EFEMP1: variants seen among roughly 807,000 people sequenced by gnomAD.
The protein encoded by EFEMP1 is EGF-containing fibulin-like extracellular matrix protein 1.
EFEMP1 carries 18 observed loss-of-function variants against 65.7 expected under a neutral mutation model. The ratio of observed to expected loss-of-function variants is 0.27; its 90% confidence interval spans 0.19 to 0.41. EFEMP1 has a LOEUF of 0.41. Ranked by LOEUF, EFEMP1 falls within the 10% of genes least tolerant of loss-of-function variation. The probability of loss-of-function intolerance (pLI) is 1.00; values close to 1 mark genes in which losing one functional copy is unlikely to be tolerated. For synonymous variants in EFEMP1, 237 were observed against 219.7 expected, an observed-to-expected ratio of 1.08 and a Z score of -0.70; for missense variants, 469 against 624.8, an observed-to-expected ratio of 0.75 and a Z score of 2.66.
At position 55,901,550 on chromosome 2, in the gene EFEMP1, C is replaced by T. The variant is rs144027551; in HGVS notation, c.517+16115G>A. Reference sequence around the variant, plus strand: ...CCACACCCATTAGGCTGCCTATCTGCATGAGTCATACAGCCTCTTGCACTG... The same window carrying T: ...CCACACCCATTAGGCTGCCTATCTGTATGAGTCATACAGCCTCTTGCACTG... On this transcript the variant is annotated intron_variant, in intron 5 of 11. Transcript: ENST00000355426. 1.1e-3 allele frequency among the ~76,000 whole-genome samples: 168 copies of T among 152,310 alleles called. 1 individual carries two copies. Among genetic ancestry groups the T allele is most frequent in the African/African-American group, 3.8e-3 (158 of 41,576 alleles).
In EFEMP1 at chr2:55,882,106, G is replaced by C. The variant is rs370707004; in HGVS notation, c.518-372C>G. Reference sequence around the variant, plus strand: ...ATGTTTTTGTACTTTTGTTAGACAGGGATGCATCCATTAGAACATATGGTA... The same window carrying C: ...ATGTTTTTGTACTTTTGTTAGACAGCGATGCATCCATTAGAACATATGGTA... On this transcript the variant is annotated intron_variant, in intron 5 of 11. Transcript: ENST00000355426. Among the ~76,000 whole-genome samples the C allele has an allele frequency of 4.6e-5, 7 of 151,812 alleles. 1 individual carries two copies. The highest frequency in any genetic ancestry group is 1.7e-4 in the African/African-American group (7 of 41,430).
At chr2:55,911,282 T>C (rs1670474436) in intron 5 of EFEMP1, among the ~76,000 whole-genome samples, 1 of 152,104 alleles carries the variant, frequency 6.6e-6, no homozygotes, top group South Asian at 2.1e-4. Flanking sequence ...ATAGAAATAC[T>C]AACTTACCCT....
At chr2:55,905,368 T>C (rs995814400) in intron 5 of EFEMP1, among the ~76,000 whole-genome samples, 2 of 152,208 alleles carry the variant, frequency 1.3e-5, no homozygotes, top group Non-Finnish European at 2.9e-5. Flanking sequence ...GAAAATTTCA[T>C]AGTAAGTTCA....
Position 55,871,233 on chromosome 2 carries a change from G to C in EFEMP1, c.1001-110C>G. ...CAAGGAAGGAGGTGTGAGAGCATCTGGACTGTGTTCAACCTGCTTTTAGAC... is the reference window on the plus strand; with the variant it reads ...CAAGGAAGGAGGTGTGAGAGCATCTCGACTGTGTTCAACCTGCTTTTAGAC... On this transcript the variant is annotated intron_variant, in intron 9 of 11. Coordinates refer to ENST00000355426, the MANE Select transcript of EFEMP1 (RefSeq NM_001039348.3). This position sits in a 1 kb window ranked among gnomAD's most constrained non-coding sequence, Gnocchi z 4.2. 1 of 1,499,952 alleles carries C rather than the reference G, an allele frequency of 6.7e-7. No individual in the cohort carries two copies. Among genetic ancestry groups the C allele is most frequent in the Non-Finnish European group, 9.2e-7 (1 of 1,092,574 alleles). The allele number at this position is 1,499,952 out of a possible 1,614,324, so 92.9% of individuals were successfully genotyped here. A position where few individuals can be genotyped will look rare whatever the true frequency, so the allele number is the denominator to read the frequency against.
intron 5 of EFEMP1, among the ~76,000 whole-genome samples, chr2:55,916,424 T>G (rs1670690712): frequency 6.6e-6 from 1 of 152,202 alleles, no homozygotes; most frequent in African/African-American, 2.4e-5. Flanking sequence ...GCTTCATTTT[T>G]AAGCCATTTA....
Position 55,922,960 on chromosome 2 carries a change from C to A in EFEMP1, c.-48-21G>T, listed in dbSNP as rs1670957861. ...AATACCTGTGAGCCAATATGAATTGCCTTGGCCTCAAGCTTTTTATTTTTT... is the reference window on the plus strand; with the variant it reads ...AATACCTGTGAGCCAATATGAATTGACTTGGCCTCAAGCTTTTTATTTTTT... On this transcript the variant is annotated intron_variant, in intron 1 of 11. Transcript: ENST00000355426. The surrounding 1 kb of genome is among the most constrained non-coding windows in gnomAD (Gnocchi z 5.5). 1 of 1,010,264 alleles carries A rather than the reference C, an allele frequency of 9.9e-7. No homozygotes were observed. The highest frequency in any genetic ancestry group is 1.2e-6 in the Non-Finnish European group (1 of 843,896). The allele number at this position is 1,010,264 out of a possible 1,614,324, so 62.6% of individuals were successfully genotyped here. A position where few individuals can be genotyped will look rare whatever the true frequency, so the allele number is the denominator to read the frequency against.
At chr2:55,908,496 G>C (rs1239616613) in intron 5 of EFEMP1, among the ~76,000 whole-genome samples, 1 of 152,080 alleles carries the variant, frequency 6.6e-6, no homozygotes, top group East Asian at 1.9e-4. Context: ...AGTTAAACAG[G>C]AAGATTTTGA....
At chr2:55,892,452 T>C (rs921981419) in intron 5 of EFEMP1, among the ~76,000 whole-genome samples, 12 of 152,130 alleles carry the variant, frequency 7.9e-5, no homozygotes, top group African/African-American at 2.9e-4. Flanking sequence ...TTGCGTCCTT[T>C]TTCAATTTTC....
In EFEMP1 at chr2:55,919,355, C is replaced by T. The variant is rs1408920907; in HGVS notation, c.82-1088G>A. ...CAGGGTTCTTGTTAAAATGAAGATT[C>T]CTGGGCCCACCCAAAGGATTTGATT... On this transcript the variant is annotated intron_variant, in intron 3 of 11. Transcript: ENST00000355426. The surrounding 1 kb of genome is among the most constrained non-coding windows in gnomAD (Gnocchi z 4.5). Among the ~76,000 whole-genome samples the T allele has an allele frequency of 6.6e-6, 1 of 152,112 alleles. No homozygotes were observed. The highest frequency in any genetic ancestry group is 1.5e-5 in the Non-Finnish European group (1 of 68,034).
intron 5 of EFEMP1, among the ~76,000 whole-genome samples, chr2:55,889,824 TAA>T (rs3048101): frequency 0.032 from 4,511 of 142,394 alleles, 201 homozygotes; most frequent in African/African-American, 0.099. Context: ...AAAGGAATGG[TAA>T]AAAAAAAAAA....
intron 5 of EFEMP1, among the ~76,000 whole-genome samples, chr2:55,912,517 G>A (rs918823437): frequency 2.6e-5 from 4 of 152,164 alleles, no homozygotes; most frequent in African/African-American, 9.7e-5. Context: ...CTTTGCAAAG[G>A]TAGATGTACA....
intron 5 of EFEMP1, among the ~76,000 whole-genome samples, chr2:55,904,821 T>A (rs1670180702): frequency 6.6e-6 from 1 of 152,192 alleles, no homozygotes. Flanking sequence ...CATAATCACA[T>A]GAGAAATTCT....
In EFEMP1 at chr2:55,917,853, C is replaced by T; in HGVS notation, c.329G>A (p.Ser110Asn). 1.9e-6 allele frequency: 3 copies of T among 1,614,266 alleles called. No individual in the cohort carries two copies. The highest frequency in any genetic ancestry group is 2.2e-5 in the South Asian group (2 of 91,090). Residue 110 changes from serine (S) to asparagine (N), a missense_variant, in exon 5 of 12, where the codon AGT becomes AAT. This residue lies in a region of EFEMP1 where 399 missense variants were observed against 528.2 expected (regional missense o/e 0.76). Coordinates refer to ENST00000355426, the MANE Select transcript of EFEMP1 (RefSeq NM_001039348.3). This position sits in a 1 kb window ranked among gnomAD's most constrained non-coding sequence, Gnocchi z 6.3. ...AAAACCACCCCCGGGCAACACTCCA[C>T]TGGTTGCCATGCTGCTGGCAGCTAC... ...GVVAASSMATSGVLPGGGFVA... is the reference protein window; with the variant it reads ...GVVAASSMATNGVLPGGGFVA...
At chr2:55,896,906 CTT>C (rs887653001) in intron 5 of EFEMP1, among the ~76,000 whole-genome samples, 1 of 152,168 alleles carries the variant, frequency 6.6e-6, no homozygotes, top group Non-Finnish European at 1.5e-5. Flanking sequence ...TGATTTGACT[CTT>C]GTCTATCTTC....
chr2:55,888,094 A>G (rs912993541), intron 5 of EFEMP1, among the ~76,000 whole-genome samples: 2 of 152,200 alleles, frequency 1.3e-5, no homozygotes, highest in African/African-American at 4.8e-5. Flanking sequence ...CATCTGTACT[A>G]CACATAAACC....
intron 5 of EFEMP1, among the ~76,000 whole-genome samples, chr2:55,898,933 T>G (rs922170983): frequency 1.3e-5 from 2 of 152,116 alleles, no homozygotes; most frequent in Non-Finnish European, 2.9e-5. Context: ...TGCATTACTT[T>G]CAAGTACTGT....
chr2:55,870,620 T>C lies in EFEMP1; in HGVS notation c.1320+100A>G, dbSNP rs1668767602. 6.8e-7 allele frequency: 1 copy of C among 1,463,176 alleles called. No individual in the cohort carries two copies. Among genetic ancestry groups the C allele is most frequent in the Non-Finnish European group, 9.5e-7 (1 of 1,052,960 alleles). The allele number at this position is 1,463,176 out of a possible 1,614,324, so 90.6% of individuals were successfully genotyped here. A position where few individuals can be genotyped will look rare whatever the true frequency, so the allele number is the denominator to read the frequency against. ...CACATAAGACACTTTAAATGTTTGC[T>C]TTCCTTCCACATGTGGATACCACAC... On this transcript the variant is annotated intron_variant, in intron 11 of 11. Transcript: ENST00000355426. This position sits in a 1 kb window ranked among gnomAD's most constrained non-coding sequence, Gnocchi z 5.8.
In EFEMP1 at chr2:55,908,429, G is replaced by A. The variant is rs1242204217; in HGVS notation, c.517+9236C>T. On this transcript the variant is annotated intron_variant, in intron 5 of 11. Transcript: ENST00000355426. ...AGAGGGAAAAATGTGGTTACCAGAGGCTGAGGGTGAGAATGGGGGGAGATG... is the reference window on the plus strand; with the variant it reads ...AGAGGGAAAAATGTGGTTACCAGAGACTGAGGGTGAGAATGGGGGGAGATG... 2.6e-5 allele frequency among the ~76,000 whole-genome samples: 4 copies of A among 152,152 alleles called. No individual in the cohort carries two copies. The East Asian group carries it at 7.7e-4, about 29-fold the overall frequency.
At position 55,883,393 on chromosome 2, in the gene EFEMP1, C is replaced by T. The variant is rs2104395143; in HGVS notation, c.518-1659G>A. 6.6e-6 allele frequency among the ~76,000 whole-genome samples: 1 copy of T among 152,268 alleles called. No homozygotes were observed. The highest frequency in any genetic ancestry group is 2.1e-4 in the South Asian group (1 of 4,824). On this transcript the variant is annotated intron_variant, in intron 5 of 11. Coordinates refer to ENST00000355426, the MANE Select transcript of EFEMP1 (RefSeq NM_001039348.3). The surrounding 1 kb of genome is among the most constrained non-coding windows in gnomAD (Gnocchi z 4.5). ...TTTTTTGTGTCTTTTATTATTTTCT[C>T]AGATGCACTTGATGAAAACCTTTTT...
Sources: gnomAD v4.1 joint callset for allele counts (sites outside exome capture counted in the v4.1 genomes callset) on GRCh38, gnomAD v4.1.1 for gene constraint, gnomAD v4.1.1 regional missense constraint, Gnocchi (gnomAD v3.1) non-coding constraint, MANE v1.5 for transcripts, NCBI Gene and HGNC (gene_info 2026-07-23, HGNC 2026-07-21) for gene names.